MORC1: variants seen among roughly 807,000 people sequenced by gnomAD.
The protein encoded by MORC1 is MORC family CW-type zinc finger 1.
Under a neutral mutation model 134.9 loss-of-function variants are expected in MORC1, and 59 were observed. The observed-to-expected ratio is 0.44, with a 90% CI of 0.35 to 0.54. The LOEUF is 0.54. MORC1 is among the 20% of genes least tolerant of loss of function. The pLI, the probability that MORC1 is intolerant of heterozygous loss-of-function variation, is 0.00. For missense variants in MORC1, 947 were observed against 1,134.5 expected, an observed-to-expected ratio of 0.83 and a Z score of 2.37; for synonymous variants, 395 against 391.7, an observed-to-expected ratio of 1.01 and a Z score of -0.10.
intron 14 of MORC1, among the ~76,000 whole-genome samples, chr3:109,048,266 A>G (rs1001769306): frequency 1.3e-5 from 2 of 152,278 alleles, no homozygotes; most frequent in South Asian, 2.1e-4. Context: ...TGAACAACAG[A>G]CTGGATATTT....
At chr3:108,994,946 T>G (rs1343706878) in intron 21 of MORC1, among the ~76,000 whole-genome samples, 1 of 152,208 alleles carries the variant, frequency 6.6e-6, no homozygotes, top group Non-Finnish European at 1.5e-5. Flanking sequence ...GTAATTTGGA[T>G]GAGCTGTTTA....
intron 8 of MORC1, among the ~76,000 whole-genome samples, chr3:109,090,601 C>G (rs1028702004): frequency 1.1e-5 from 1 of 90,186 alleles, no homozygotes; most frequent in Middle Eastern, 0.012. Context: ...GCCTGGGCAA[C>G]AAGAGCAAAA....
At chr3:109,056,287 G>T (rs1039788813) in intron 13 of MORC1, among the ~76,000 whole-genome samples, 3 of 152,138 alleles carry the variant, frequency 2.0e-5, no homozygotes, top group African/African-American at 7.2e-5. Flanking sequence ...GAGTGCAGTG[G>T]CACAATCTTG....
chr3:108,988,651 C>A (rs546575697), intron 21 of MORC1, among the ~76,000 whole-genome samples: 1 of 152,078 alleles, frequency 6.6e-6, no homozygotes, highest in Non-Finnish European at 1.5e-5. Context: ...TATTTAATGT[C>A]TTTTCCTATA....
intron 1 of MORC1, among the ~76,000 whole-genome samples, chr3:109,116,429 A>C (rs1951276179): frequency 6.6e-6 from 1 of 152,176 alleles, no homozygotes; most frequent in Non-Finnish European, 1.5e-5. Context: ...ATAGAGGTAA[A>C]GGGAGAAATT....
At chr3:109,017,961 C>T (rs1194572044) in intron 17 of MORC1, among the ~76,000 whole-genome samples, 1 of 152,168 alleles carries the variant, frequency 6.6e-6, no homozygotes, top group East Asian at 1.9e-4. Context: ...AGTAGAAACA[C>T]TGAAGAATCC....
At chr3:108,996,090 G>C (rs1338399860) in intron 21 of MORC1, among the ~76,000 whole-genome samples, 1 of 152,118 alleles carries the variant, frequency 6.6e-6, no homozygotes, top group East Asian at 1.9e-4. Flanking sequence ...CTGGCAGTGT[G>C]ACCTTTAGCA....
rs145413382 is a variant in MORC1, at chr3:109,094,967, G to T, written c.525C>A (p.Ser175=). Residue 175 remains serine (S), a synonymous_variant, in exon 7 of 28, where the codon TCC becomes TCA. Transcript: ENST00000232603. ...AMELSIIYKY[S]PFKTEAELMQ... ...TCAATTCTGCTTCAGTTTTAAATGG[G>T]GAGTATTTATAAATTATAGATAATT... 1.7e-5 allele frequency: 27 copies of T among 1,591,792 alleles called. No homozygotes were observed. Among genetic ancestry groups the T allele is most frequent in the Admixed American group, 3.7e-5 (2 of 54,710 alleles).
At chr3:109,043,130 T>C (rs543569459) in intron 14 of MORC1, among the ~76,000 whole-genome samples, 55 of 124,172 alleles carry the variant, frequency 4.4e-4, no homozygotes, top group Non-Finnish European at 5.6e-4. Context: ...AGCTAAAACA[T>C]GGAAGCAACT....
intron 8 of MORC1, among the ~76,000 whole-genome samples, chr3:109,089,917 T>C (rs1295115718): frequency 6.6e-6 from 1 of 152,126 alleles, no homozygotes; most frequent in Non-Finnish European, 1.5e-5. Flanking sequence ...CGGCGACATA[T>C]AAATTTAAGA....
rs933012124 is a variant in MORC1 at position 109,032,886 on chromosome 3, T to C, written c.1460-61A>G. The C allele has an allele frequency of 3.6e-6, 4 of 1,113,978 alleles. No individual in the cohort carries two copies. In the African/African-American group the frequency reaches 6.3e-5, roughly 17 times the overall value. The allele number at this position is 1,113,978 out of a possible 1,614,324, so 69.0% of individuals were successfully genotyped here. ...CAGAAATGAATCTATCATAGTAAGA[T>C]GTCAGTTTGCACATATCAAAAGTAT... On this transcript the variant is annotated intron_variant, in intron 15 of 27. Coordinates refer to ENST00000232603, the MANE Select transcript of MORC1 (RefSeq NM_014429.4).
At chr3:109,057,289 T>A (rs1949982887) in intron 13 of MORC1, 54 bp downstream of exon 13, 2 of 1,548,248 alleles carry the variant, frequency 1.3e-6, no homozygotes, top group Non-Finnish European at 1.7e-6. Flanking sequence ...AGACAGAATC[T>A]TACTGTAACA....
At chr3:109,093,399 C>T in intron 8 of MORC1, 37 bp downstream of exon 8, 1 of 1,521,130 alleles carries the variant, frequency 6.6e-7, no homozygotes, top group Non-Finnish European at 9.1e-7. Context: ...TAGCTCACCA[C>T]CATTGTTGAA....
At chr3:109,027,020 C>T (rs951566528) in intron 17 of MORC1, among the ~76,000 whole-genome samples, 4 of 152,082 alleles carry the variant, frequency 2.6e-5, no homozygotes, top group Non-Finnish European at 5.9e-5. Context: ...AGCTTAAATC[C>T]CACTTCATCA....
chr3:109,079,956 C>T (rs7632199), intron 8 of MORC1, among the ~76,000 whole-genome samples: 129,126 of 152,168 alleles, frequency 0.85, 54,947 homozygotes, highest in East Asian at 0.93. Context: ...CTAACAATCA[C>T]TGAGTACATA....
intron 14 of MORC1, among the ~76,000 whole-genome samples, chr3:109,050,663 G>A (rs757714075): frequency 1.2e-4 from 18 of 152,140 alleles, no homozygotes; most frequent in South Asian, 8.3e-4. Flanking sequence ...GTTGGTCCTA[G>A]AACACTTGTG....
intron 21 of MORC1, among the ~76,000 whole-genome samples, chr3:108,997,093 A>G (rs1948255216): frequency 6.6e-6 from 1 of 152,044 alleles, no homozygotes; most frequent in African/African-American, 2.4e-5. Flanking sequence ...AGATGGGACA[A>G]ATGAAGCTCC....
intron 14 of MORC1, among the ~76,000 whole-genome samples, chr3:109,052,650 G>A (rs545442376): frequency 6.6e-6 from 1 of 152,072 alleles, no homozygotes; most frequent in Non-Finnish European, 1.5e-5. Context: ...CAAATGGAAA[G>A]AAAATATTCT....
chr3:109,064,626 T>C (rs887403987), intron 9 of MORC1, among the ~76,000 whole-genome samples: 31 of 152,206 alleles, frequency 2.0e-4, no homozygotes, highest in Non-Finnish European at 2.6e-4. Flanking sequence ...TCTGAACTTT[T>C]ATTAACACAG....
Sources: allele counts gnomAD v4.1 joint callset (sites outside exome capture counted in the v4.1 genomes callset), GRCh38; gene constraint gnomAD v4.1.1; transcripts MANE v1.5; gene names NCBI Gene and HGNC (gene_info 2026-07-23, HGNC 2026-07-21).